CNTNAP2: variants seen among roughly 807,000 people sequenced by gnomAD.
The protein encoded by CNTNAP2 is contactin-associated protein-like 2.
In CNTNAP2, 98 loss-of-function variants were observed where a neutral mutation model predicts 155.2. The observed-to-expected ratio is 0.63, with a 90% CI of 0.54 to 0.75. The LOEUF is 0.75. CNTNAP2 is among the 30% of genes least tolerant of loss of function. The pLI, the probability that CNTNAP2 is intolerant of heterozygous loss-of-function variation, is 0.00. For missense variants in CNTNAP2, 1,727 were observed against 1,688.1 expected (o/e 1.02, Z -0.40); for synonymous variants, 651 against 631.2 (o/e 1.03, Z -0.47).
At chr7:146,507,582 TG>T (rs1460612237) in intron 1 of CNTNAP2, among the ~76,000 whole-genome samples, 1 of 152,208 alleles carries the variant, frequency 6.6e-6, no homozygotes, top group African/African-American at 2.4e-5. Flanking sequence ...TATTGTGGTC[TG>T]GGGATATGCC....
intron 21 of CNTNAP2, among the ~76,000 whole-genome samples, chr7:148,326,649 G>A (rs980995394): frequency 5.9e-5 from 9 of 152,216 alleles, no homozygotes; most frequent in East Asian, 3.9e-4. Context: ...GGCGGATCAT[G>A]AGGTCAGGAG....
chr7:147,487,448 G>C (rs1020744950), intron 11 of CNTNAP2, among the ~76,000 whole-genome samples: 2 of 152,144 alleles, frequency 1.3e-5, no homozygotes, highest in African/African-American at 2.4e-5. Flanking sequence ...AATATAACGT[G>C]ATGCTAGAAT....
At chr7:148,055,034 C>A (rs978516104) in intron 15 of CNTNAP2, among the ~76,000 whole-genome samples, 1 of 151,990 alleles carries the variant, frequency 6.6e-6, no homozygotes, top group African/African-American at 2.4e-5. Flanking sequence ...AAGTGGACAC[C>A]ACCACGCCTG....
At chr7:148,143,076 C>A (rs1805108545) in intron 16 of CNTNAP2, among the ~76,000 whole-genome samples, 1 of 152,092 alleles carries the variant, frequency 6.6e-6, no homozygotes, top group South Asian at 2.1e-4. Flanking sequence ...CCATTAAGAC[C>A]AGCTGTATTT....
intron 11 of CNTNAP2, among the ~76,000 whole-genome samples, chr7:147,511,748 G>A (rs889635595): frequency 5.3e-5 from 8 of 151,512 alleles, no homozygotes; most frequent in Admixed American, 5.3e-4. Flanking sequence ...GCAACAAAAC[G>A]ACAAAGATCA....
chr7:146,362,368 G>A (rs1172693757), intron 1 of CNTNAP2, among the ~76,000 whole-genome samples: 1 of 152,102 alleles, frequency 6.6e-6, no homozygotes, highest in Non-Finnish European at 1.5e-5. Flanking sequence ...GAGGTCCAAG[G>A]TAGACAGCAC....
chr7:148,112,338 A>C (rs929609699), intron 15 of CNTNAP2, among the ~76,000 whole-genome samples: 1 of 152,058 alleles, frequency 6.6e-6, no homozygotes, highest in Non-Finnish European at 1.5e-5. Context: ...ATTTAAAGAA[A>C]ATACAAGTAG....
At chr7:147,798,774 A>G (rs1797941764) in intron 13 of CNTNAP2, among the ~76,000 whole-genome samples, 1 of 152,202 alleles carries the variant, frequency 6.6e-6, no homozygotes, top group Non-Finnish European at 1.5e-5. Context: ...GGATAAAGGT[A>G]TCCTCTCTTC....
intron 12 of CNTNAP2, among the ~76,000 whole-genome samples, chr7:147,596,067 T>C (rs765756980): frequency 6.6e-6 from 1 of 152,238 alleles, no homozygotes; most frequent in African/African-American, 2.4e-5. Context: ...CAGATGTTTA[T>C]ATCTTGTTGT....
chr7:147,464,411 G>A (rs2116594383), intron 10 of CNTNAP2, among the ~76,000 whole-genome samples: 1 of 150,682 alleles, frequency 6.6e-6, no homozygotes, highest in Middle Eastern at 3.5e-3. Flanking sequence ...AGGTTACAGT[G>A]GGCCAAGATC....
At chr7:146,945,312 T>G (rs1256915960) in intron 3 of CNTNAP2, among the ~76,000 whole-genome samples, 4 of 152,190 alleles carry the variant, frequency 2.6e-5, no homozygotes. Context: ...TAAATAGAAA[T>G]AACTGGTGTT....
At chr7:148,062,015 G>T (rs1244978134) in intron 15 of CNTNAP2, among the ~76,000 whole-genome samples, 38 of 131,166 alleles carry the variant, frequency 2.9e-4, no homozygotes, top group African/African-American at 5.5e-4. Context: ...AGATGATAGA[G>T]AGAGAGAGAG....
At chr7:147,363,117 G>A (rs1248971545) in intron 9 of CNTNAP2, among the ~76,000 whole-genome samples, 1 of 152,128 alleles carries the variant, frequency 6.6e-6, no homozygotes. Flanking sequence ...GCTAATACGT[G>A]GTGGGACCTT....
At chr7:146,475,175 A>C (rs1209416284) in intron 1 of CNTNAP2, among the ~76,000 whole-genome samples, 1 of 152,230 alleles carries the variant, frequency 6.6e-6, no homozygotes, top group Non-Finnish European at 1.5e-5. Context: ...ACAAATTTAC[A>C]TGATGATGTG....
intron 9 of CNTNAP2, among the ~76,000 whole-genome samples, chr7:147,300,650 T>C (rs2116770534): frequency 6.6e-6 from 1 of 152,312 alleles, no homozygotes; most frequent in East Asian, 1.9e-4. Context: ...AACAAACATT[T>C]ATTATCTCGC....
At chr7:148,005,330 G>GC (rs1801956364) in intron 15 of CNTNAP2, among the ~76,000 whole-genome samples, 1 of 152,002 alleles carries the variant, frequency 6.6e-6, no homozygotes, top group African/African-American at 2.4e-5. Context: ...ATCCCCAAAG[G>GC]CCCCCCTTCT....
At chr7:147,187,765 C>T (rs1017225343) in intron 8 of CNTNAP2, among the ~76,000 whole-genome samples, 5 of 152,054 alleles carry the variant, frequency 3.3e-5, no homozygotes, top group African/African-American at 7.2e-5. Flanking sequence ...GAAAAATAAT[C>T]GATACATAAA....
At chr7:147,453,122 C>T (rs1797861441) in intron 10 of CNTNAP2, among the ~76,000 whole-genome samples, 1 of 152,118 alleles carries the variant, frequency 6.6e-6, no homozygotes, top group South Asian at 2.1e-4. Flanking sequence ...TTCCCTTTCT[C>T]CTGCTGGCAA....
chr7:146,363,964 A>C (rs1254685003), intron 1 of CNTNAP2, among the ~76,000 whole-genome samples: 1 of 152,180 alleles, frequency 6.6e-6, no homozygotes, highest in Admixed American at 6.5e-5. Context: ...TGGAAGGTTC[A>C]GCCTTTGATG....
Sources: allele counts gnomAD v4.1 joint callset (sites outside exome capture counted in the v4.1 genomes callset), GRCh38; gene constraint gnomAD v4.1.1; transcripts MANE v1.5; gene names NCBI Gene and HGNC (gene_info 2026-07-23, HGNC 2026-07-21).